Variants in ORC1 observed in about 807,000 individuals in gnomAD.
The protein encoded by ORC1 is origin recognition complex subunit 1, also known as origin recognition complex, subunit 1 homolog.
ORC1 carries 61 observed loss-of-function variants against 98.9 expected under a neutral mutation model. The ratio of observed to expected loss-of-function variants is 0.62; its 90% CI spans 0.50 to 0.76. The LOEUF is 0.76. Ranked by LOEUF, ORC1 falls within the 30% of genes least tolerant of loss-of-function variation. The probability of loss-of-function intolerance (pLI) is 0.00; values close to 1 mark genes in which losing one functional copy is unlikely to be tolerated. For synonymous variants in ORC1, 385 were observed against 406.9 expected, an observed-to-expected ratio of 0.95 and a Z score of 0.65; for missense variants, 979 against 1,072.2, an observed-to-expected ratio of 0.91 and a Z score of 1.21.
rs778808104 is a variant in ORC1, at chr1:52,384,732, A to G, written c.1584-11T>C. The G allele has an allele frequency of 5.6e-6, 9 of 1,611,942 alleles. No homozygotes were observed. The Admixed American group carries it at 1.3e-4, about 24-fold the overall frequency. On this transcript the variant is annotated splice_polypyrimidine_tract_variant and intron_variant, in intron 10 of 16. Transcript: ENST00000371568. ...GAGATGTACATGCACCTAGAGCAAGAGAGGAAAACCCGTGGGGTAGGTCTC... is the reference window on the plus strand; with the variant it reads ...GAGATGTACATGCACCTAGAGCAAGGGAGGAAAACCCGTGGGGTAGGTCTC...
At chr1:52,377,069 C>T (rs1647004022) in intron 14 of ORC1, among the ~76,000 whole-genome samples, 1 of 152,200 alleles carries the variant, frequency 6.6e-6, no homozygotes, top group African/African-American at 2.4e-5. Flanking sequence ...GATGCCCAGG[C>T]TGGAGTGCAG....
chr1:52,401,715 T>C (rs1261910614), intron 2 of ORC1, among the ~76,000 whole-genome samples: 2 of 152,196 alleles, frequency 1.3e-5, no homozygotes, highest in Non-Finnish European at 2.9e-5. Flanking sequence ...GGAACCCTAA[T>C]TCCTCTCAGT....
At chr1:52,409,081 C>T (rs1373735895), upstream of ORC1, 1 of 179,442 alleles carries the variant, frequency 5.6e-6, no homozygotes, top group Non-Finnish European at 1.2e-5. Context: ...ACTGGCCTCT[C>T]CTCTAACACT....
At chr1:52,392,371 G>A (rs1372825226) in intron 6 of ORC1, among the ~76,000 whole-genome samples, 7 of 151,990 alleles carry the variant, frequency 4.6e-5, no homozygotes, top group South Asian at 2.1e-4. Context: ...CTTGTGATCC[G>A]CCCGCCTCGG....
rs3087478 is a variant in ORC1, at chr1:52,385,291, G to C, written c.1482-29C>G. 1.2e-3 allele frequency: 1,720 copies of C among 1,403,908 alleles called. 31 individuals carry two copies. The South Asian group carries it at 0.018, about 15-fold the overall frequency. The allele number at this position is 1,403,908 out of a possible 1,614,324, so 87.0% of individuals were successfully genotyped here. ...CCATTGGTGGTAAACGGGAGAAAAG[G>C]AAGACTTTAGGAACATTCCCCAACC... On this transcript the variant is annotated intron_variant, in intron 9 of 16. Transcript: ENST00000371568.
chr1:52,397,560 A>T (rs531206170), intron 4 of ORC1, 125 bp downstream of exon 4: 1 of 890,912 alleles, frequency 1.1e-6, no homozygotes, highest in Admixed American at 1.9e-5. Context: ...CAAGCACAGA[A>T]GATGACAGGA....
chr1:52,385,896 C>T lies in ORC1; in HGVS notation c.1437G>A (p.Leu479=), dbSNP rs1409031724. 1 of 1,613,732 alleles carries T rather than the reference C, an allele frequency of 6.2e-7. No individual in the cohort carries two copies. The highest frequency in any genetic ancestry group is 8.5e-7 in the Non-Finnish European group (1 of 1,180,026). The change falls in exon 9 of 17, where the codon CTG becomes CTA. Residue 479 remains leucine (L), a synonymous_variant. Coordinates refer to ENST00000371568, the MANE Select transcript of ORC1 (RefSeq NM_004153.4). ...GCACACTGGCTGGCTCCTGGGCAGC[C>T]AGGCTTCGACTACGGATCTGAGGAG... ...CAAPQIRSRS[L]AAQEPASVLE...
At chr1:52,383,340 C>A in intron 13 of ORC1, 80 bp downstream of exon 13, 1 of 1,568,228 alleles carries the variant, frequency 6.4e-7, no homozygotes, top group Non-Finnish European at 8.8e-7. Context: ...TGAGCCACCA[C>A]ACCTGGACCA....
intron 6 of ORC1, among the ~76,000 whole-genome samples, chr1:52,389,605 G>A (rs1647184665): frequency 6.6e-6 from 1 of 152,120 alleles, no homozygotes; most frequent in Non-Finnish European, 1.5e-5. Context: ...CCCAGGGAGA[G>A]GTGCTTGTCC....
intron 5 of ORC1, among the ~76,000 whole-genome samples, chr1:52,394,601 G>T (rs1385250978): frequency 6.6e-6 from 1 of 151,926 alleles, no homozygotes; most frequent in Non-Finnish European, 1.5e-5. Context: ...GGAAGAAGAG[G>T]GGACATATGA....
intron 15 of ORC1, 94 bp from the exon 16 acceptor site, chr1:52,374,991 G>C (rs1646976082): frequency 1.3e-6 from 1 of 779,214 alleles, no homozygotes. Context: ...CTTTAGAAAA[G>C]AGAAAACCCG....
chr1:52,383,325 A>C, intron 13 of ORC1, 95 bp downstream of exon 13: 1 of 1,469,202 alleles, frequency 6.8e-7, no homozygotes, highest in Non-Finnish European at 9.5e-7. Flanking sequence ...CGGGGTTTAC[A>C]GGCGTGAGCC....
At chr1:52,394,460 C>CA (rs1647305209) in intron 5 of ORC1, among the ~76,000 whole-genome samples, 1 of 152,106 alleles carries the variant, frequency 6.6e-6, no homozygotes, top group Non-Finnish European at 1.5e-5. Context: ...TCTAGTCTAA[C>CA]AGATGATACA....
chr1:52,407,747 C>A (rs1648038547), upstream of ORC1, among the ~76,000 whole-genome samples: 1 of 152,098 alleles, frequency 6.6e-6, no homozygotes, highest in Non-Finnish European at 1.5e-5. Flanking sequence ...ATGGGGAAAC[C>A]CCGTCTCTAC....
intron 14 of ORC1, 57 bp downstream of exon 14, chr1:52,381,585 C>T: frequency 6.3e-7 from 1 of 1,595,668 alleles, no homozygotes; most frequent in South Asian, 1.1e-5. Context: ...GCCTCATACC[C>T]AGCAGGTACT....
rs762811006 is a variant in ORC1, at chr1:52,385,130, CA to C, written c.1583+30del. ...TTCCACTAGCAGGGGCCTTATTCCC[CA>C]AACTACCCTGCCTGCCTCACATGAC... On this transcript the variant is annotated intron_variant, in intron 10 of 16. Transcript: ENST00000371568. 1.0e-5 allele frequency: 15 copies of C among 1,441,620 alleles called. No individual in the cohort carries two copies. In the Admixed American group the frequency reaches 2.5e-4, roughly 24 times the overall value. 89.3% of individuals were successfully genotyped at this position (1,441,620 alleles called of 1,614,324 possible).
At chr1:52,393,879 C>G in intron 5 of ORC1, 76 bp from the exon 6 acceptor site, 2 of 1,487,042 alleles carry the variant, frequency 1.3e-6, no homozygotes. Context: ...CAGCCAAATT[C>G]AGCCACTGAG....
At position 52,387,711 on chromosome 1, in the gene ORC1, G is replaced by A. The variant is rs1055569846; in HGVS notation, c.1383+731C>T. Among the ~76,000 whole-genome samples, 5 of 152,060 alleles carry A rather than the reference G, an allele frequency of 3.3e-5. No homozygotes were observed. In the South Asian group the frequency reaches 8.3e-4, roughly 25 times the overall value. Reference sequence around the variant, plus strand: ...TGACCTCAAGTGATCCACCCACCTCGGCCTCCAAAGTGCTGGGATTACACG... The same window carrying A: ...TGACCTCAAGTGATCCACCCACCTCAGCCTCCAAAGTGCTGGGATTACACG... On this transcript the variant is annotated intron_variant, in intron 8 of 16. Coordinates refer to ENST00000371568, the MANE Select transcript of ORC1 (RefSeq NM_004153.4).
rs780806538 is a variant in ORC1, at chr1:52,397,671, GTGGCATCACCTACCCGAACA to G, written c.396_402+13del. The G allele has an allele frequency of 6.2e-6, 10 of 1,613,452 alleles. No homozygotes were observed. Among genetic ancestry groups the G allele is most frequent in the Non-Finnish European group, 8.5e-6 (10 of 1,179,548 alleles). On this transcript the variant is annotated splice_donor_variant and splice_donor_5th_base_variant and coding_sequence_variant and intron_variant, in exon 4 of 17. Coordinates refer to ENST00000371568, the MANE Select transcript of ORC1 (RefSeq NM_004153.4). LOFTEE classifies it high-confidence loss of function. ...AAGCTTCAAGGTAGAACCAAGGATG[GTGGCATCACCTACCCGAACA>G]AGGCCAATGATGGTCTCCGCATTAA... is the stretch of plus-strand genomic sequence containing the variant.
Sources: allele counts gnomAD v4.1 joint callset (sites outside exome capture counted in the v4.1 genomes callset), GRCh38; gene constraint gnomAD v4.1.1; transcripts MANE v1.5; gene names NCBI Gene and HGNC (gene_info 2026-07-23, HGNC 2026-07-21).